Variants in RETSAT observed in about 807,000 individuals in gnomAD.
RETSAT encodes the protein all-trans-retinol 13,14-reductase.
In RETSAT, 35 loss-of-function variants were observed where a neutral mutation model predicts 61.6. That is an observed-to-expected ratio of 0.57 (90% CI 0.43 to 0.75). The LOEUF is 0.75. Ranked by LOEUF, RETSAT falls within the 30% of genes least tolerant of loss-of-function variation. The probability of loss-of-function intolerance (pLI) is 0.00; values close to 1 mark genes in which losing one functional copy is unlikely to be tolerated. For synonymous variants in RETSAT, 277 were observed against 310.4 expected (o/e 0.89, Z 1.13); for missense variants, 670 against 759.5 (o/e 0.88, Z 1.38).
chr2:85,351,110 T>C (rs951881353), intron 2 of RETSAT, 89 bp from the exon 3 acceptor site: 1 of 1,528,504 alleles, frequency 6.5e-7, no homozygotes, highest in African/African-American at 1.4e-5. Flanking sequence ...GAAGAGTTTA[T>C]CTGGCCTGGC....
intron 5 of RETSAT, among the ~76,000 whole-genome samples, chr2:85,348,501 G>A (rs139731699): frequency 0.055 from 8,267 of 151,060 alleles, 535 homozygotes; most frequent in African/African-American, 0.16. Flanking sequence ...GCGTGGTGGC[G>A]GGCACCTGTA....
At chr2:85,353,193 C>A (rs576630807) in intron 1 of RETSAT, among the ~76,000 whole-genome samples, 1 of 152,198 alleles carries the variant, frequency 6.6e-6, no homozygotes, top group African/African-American at 2.4e-5. Context: ...TGATGGCTCA[C>A]GCCTGTAATC....
intron 6 of RETSAT, chr2:85,345,605 C>T (rs3770099): frequency 0.13 from 47,477 of 368,156 alleles, 3,500 homozygotes; most frequent in East Asian, 0.29. Flanking sequence ...TGCGTTGGCT[C>T]GGCGGCTCTG....
At chr2:85,353,074 A>C (rs1683337852) in intron 1 of RETSAT, among the ~76,000 whole-genome samples, 1 of 152,232 alleles carries the variant, frequency 6.6e-6, no homozygotes, top group Non-Finnish European at 1.5e-5. Context: ...AGTATATAAG[A>C]TAAATACATG....
rs199627157 is a variant in RETSAT, at chr2:85,343,367, T to C, written c.1708A>G (p.Thr570Ala). ...TGCAGGGCCCCGACCAGTCCACAGG[T>C]GAAGATATCCTGGCCTAGGAGGCAA... ...NLYLTGQDIFTCGLVGALQGA... is the reference protein window; with the variant it reads ...NLYLTGQDIFACGLVGALQGA... Residue 570 changes from threonine to alanine, a missense_variant, in exon 11 of 11, where the codon ACC becomes GCC. Thr to Ala is a moderately conservative substitution (Grantham distance 58). Coordinates refer to ENST00000295802, the MANE Select transcript of RETSAT (RefSeq NM_017750.4). 697 of 1,612,632 alleles carry C rather than the reference T, an allele frequency of 4.3e-4. No homozygotes were observed. The highest frequency in any genetic ancestry group is 7.6e-5 in the Non-Finnish European group (90 of 1,179,204).
intron 5 of RETSAT, among the ~76,000 whole-genome samples, chr2:85,347,261 G>A (rs147178461): frequency 6.6e-6 from 1 of 151,952 alleles, no homozygotes; most frequent in Non-Finnish European, 1.5e-5. Context: ...ATGAAGCCTC[G>A]CTCCGTTGCC....
At chr2:85,350,014 G>T in intron 4 of RETSAT, 26 bp downstream of exon 4, 1 of 1,605,480 alleles carries the variant, frequency 6.2e-7, no homozygotes, top group South Asian at 1.1e-5. Context: ...TCCAGAAGCT[G>T]CCCAGAGCCC....
At position 85,349,849 on chromosome 2, in the gene RETSAT, G is replaced by A. The variant is rs950362; in HGVS notation, c.799+191C>T. On this transcript the variant is annotated intron_variant, in intron 4 of 10. Coordinates refer to ENST00000295802, the MANE Select transcript of RETSAT (RefSeq NM_017750.4). ...TGCTTGAATTGAAAAATCATCCAAG[G>A]CATGGATGAACAGAATTTTGACCAA... 8.5e-3 allele frequency: 5,457 copies of A among 639,456 alleles called. 41 individuals carry two copies. The highest frequency in any genetic ancestry group is 0.01 in the Non-Finnish European group (3,820 of 368,922). 39.6% of individuals were successfully genotyped at this position (639,456 alleles called of 1,614,324 possible).
intron 2 of RETSAT, 34 bp from the exon 3 acceptor site, chr2:85,351,055 G>T: frequency 6.2e-7 from 1 of 1,611,544 alleles, no homozygotes; most frequent in Non-Finnish European, 8.5e-7. Flanking sequence ...GTAGTAAAGG[G>T]ATATGGGGAT....
At chr2:85,351,118 G>T in intron 2 of RETSAT, 97 bp from the exon 3 acceptor site, 1 of 1,477,778 alleles carries the variant, frequency 6.8e-7, no homozygotes, top group Non-Finnish European at 9.3e-7. Flanking sequence ...TATCTGGCCT[G>T]GCCAAGTTCA....
chr2:85,349,300 A>T, intron 5 of RETSAT, 84 bp downstream of exon 5: 3 of 1,341,864 alleles, frequency 2.2e-6, no homozygotes, highest in Non-Finnish European at 3.2e-6. Context: ...CAGTTCTCCT[A>T]CTCCTTCTGG....
In RETSAT at chr2:85,344,651, T is replaced by A. The variant is rs1443123350; in HGVS notation, c.1199A>T (p.Asp400Val). Residue 400 changes from aspartate to valine, a missense_variant, in exon 7 of 11, where the codon GAC becomes GTC. By Grantham distance (152) the Asp-to-Val change is radical. Transcript: ENST00000295802. ...VFICLRGTKE[D>V]LHLPSTNYYV... Reference sequence around the variant, plus strand: ...GTAGTTGGTGGACGGCAGATGCAGGTCTTCCTTGGTGCCTCGCAGGCAGAT... The same window carrying A: ...GTAGTTGGTGGACGGCAGATGCAGGACTTCCTTGGTGCCTCGCAGGCAGAT... 6.2e-7 allele frequency: 1 copy of A among 1,614,038 alleles called. No homozygotes were observed. Among genetic ancestry groups the A allele is most frequent in the Non-Finnish European group, 8.5e-7 (1 of 1,180,042 alleles).
rs1334118308 is a variant in RETSAT at position 85,344,748 on chromosome 2, G to A, written c.1118-16C>T. The A allele has an allele frequency of 6.2e-7, 1 of 1,613,354 alleles. No individual in the cohort carries two copies. Among genetic ancestry groups the A allele is most frequent in the Middle Eastern group, 1.7e-4 (1 of 6,056 alleles). On this transcript the variant is annotated splice_polypyrimidine_tract_variant and intron_variant, in intron 6 of 10. Coordinates refer to ENST00000295802, the MANE Select transcript of RETSAT (RefSeq NM_017750.4). ...TGCTTCACACCTGCCAGGGGGAGTGGTTGGTGCCTGTGTGGACCATGGCCG... is the reference window on the plus strand; with the variant it reads ...TGCTTCACACCTGCCAGGGGGAGTGATTGGTGCCTGTGTGGACCATGGCCG...
intron 4 of RETSAT, 199 bp from the exon 5 acceptor site, chr2:85,349,780 C>T (rs1683268107): frequency 3.2e-6 from 2 of 633,160 alleles, no homozygotes; most frequent in Non-Finnish European, 5.5e-6. Flanking sequence ...TAGGAATACC[C>T]CCCCTGCAAA....
chr2:85,349,551 A>G lies in RETSAT; in HGVS notation c.830T>C (p.Met277Thr). The G allele has an allele frequency of 6.2e-6, 10 of 1,614,196 alleles. No homozygotes were observed. The highest frequency in any genetic ancestry group is 8.5e-6 in the Non-Finnish European group (10 of 1,180,034). Residue 277 changes from methionine (M) to threonine (T), a missense_variant, in exon 5 of 11, where the codon ATG (methionine) becomes ACG (threonine). Coordinates refer to ENST00000295802, the MANE Select transcript of RETSAT (RefSeq NM_017750.4). ...GVTPNHSAFS[M>T]HALLVNHYMK... ...GTAGTGGTTGACCAGCAGGGCGTGC[A>G]TGGAAAAGGCACTGTGGTTGGGGGT...
chr2:85,352,582 A>G (rs377199970), intron 1 of RETSAT, among the ~76,000 whole-genome samples: 2 of 151,756 alleles, frequency 1.3e-5, no homozygotes, highest in Admixed American at 6.6e-5. Context: ...AAGTCTTGCT[A>G]TGTTGCCCAG....
At chr2:85,350,284 G>T in intron 3 of RETSAT, 43 bp from the exon 4 acceptor site, 1 of 1,467,408 alleles carries the variant, frequency 6.8e-7, no homozygotes, top group Non-Finnish European at 9.5e-7. Context: ...CTCTAGAACC[G>T]CTTTGACAGA....
At position 85,343,747 on chromosome 2, in the gene RETSAT, C is replaced by G; in HGVS notation, c.1585G>C (p.Ala529Pro). 6.2e-7 allele frequency: 1 copy of G among 1,614,068 alleles called. No individual in the cohort carries two copies. Among genetic ancestry groups the G allele is most frequent in the Non-Finnish European group, 8.5e-7 (1 of 1,179,908 alleles). ...GCCCCGTAGCAGGCACCTCGGGGAG[C>G]AGCCAGATAGAACTGGTTGGTGAGT... ...SPLTNQFYLAAPRGACYGADH... is the reference protein window; with the variant it reads ...SPLTNQFYLAPPRGACYGADH... Residue 529 changes from alanine to proline, a missense_variant, in exon 10 of 11, where the codon GCT becomes CCT. Ala to Pro is a conservative substitution (Grantham distance 27). Transcript: ENST00000295802.
intron 6 of RETSAT, chr2:85,345,539 C>T: frequency 2.9e-6 from 1 of 342,916 alleles, no homozygotes; most frequent in Non-Finnish European, 5.7e-6. Context: ...GTCCCCTCTT[C>T]CCAGCGGCCT....
Sources: gnomAD v4.1 joint callset for allele counts (sites outside exome capture counted in the v4.1 genomes callset) on GRCh38, gnomAD v4.1.1 for gene constraint, MANE v1.5 for transcripts, NCBI Gene and HGNC (gene_info 2026-07-23, HGNC 2026-07-21) for gene names.